Variants in PALS2 observed in about 807,000 individuals in gnomAD.
The protein encoded by PALS2 is protein PALS2.
Under a neutral mutation model 61.6 loss-of-function variants are expected in PALS2, and 27 were observed. The ratio of observed to expected loss-of-function variants is 0.44; its 90% CI spans 0.32 to 0.60. The LOEUF (loss-of-function observed/expected upper bound fraction) is 0.60, where lower values mean the gene tolerates loss of function less well. Ranked by LOEUF, PALS2 falls within the 20% of genes least tolerant of loss-of-function variation. PALS2 has a pLI of 0.05. For synonymous variants in PALS2, 236 were observed against 218.6 expected (o/e 1.08, Z -0.70); for missense variants, 554 against 639.4 (o/e 0.87, Z 1.44).
At chr7:24,648,290 T>C (rs901805797) in intron 3 of PALS2, among the ~76,000 whole-genome samples, 18 of 100,128 alleles carry the variant, frequency 1.8e-4, no homozygotes, top group Admixed American at 3.6e-4. Context: ...AAAATTATTC[T>C]TTTTTTTTTT....
At chr7:24,678,068 A>G (rs1364266981) in intron 9 of PALS2, among the ~76,000 whole-genome samples, 2 of 152,216 alleles carry the variant, frequency 1.3e-5, no homozygotes, top group African/African-American at 4.8e-5. Context: ...GCTAATAGAA[A>G]CAGGATACTT....
Position 24,650,673 on chromosome 7 carries a change from A to G in PALS2, c.612A>G (p.Lys204=), listed in dbSNP as rs913019908. The G allele has an allele frequency of 6.2e-7, 1 of 1,608,420 alleles. No individual in the cohort carries two copies. The highest frequency in any genetic ancestry group is 8.5e-7 in the Non-Finnish European group (1 of 1,175,274). The change falls in exon 5 of 12, where the codon AAA becomes AAG. Residue 204 remains lysine, a synonymous_variant. Coordinates refer to ENST00000222644, the MANE Select transcript of PALS2 (RefSeq NM_001303037.2). ...ATATTAGTGGAAGTGTCACCCTAAA[A>G]ATCTTACCAAGTTATAGAGATACCA... ...LKNISGSVTL[K]ILPSYRDTIT... is the part of the protein sequence containing the mutation.
rs368719260 is a variant in PALS2 at position 24,580,203 on chromosome 7, A to T, written c.-3+6610A>T. Among the ~76,000 whole-genome samples the T allele has an allele frequency of 9.8e-5, 15 of 152,314 alleles. 1 individual carries two copies. The highest frequency in any genetic ancestry group is 7.2e-4 in the Admixed American group (11 of 15,306). On this transcript the variant is annotated intron_variant, in intron 1 of 11. Transcript: ENST00000222644. ...ATAAATACTTTATATTTTGTTCTGT[A>T]GGTCATTTTTACCATGAAGTGACTC...
intron 5 of PALS2, among the ~76,000 whole-genome samples, chr7:24,660,509 A>G (rs985198107): frequency 6.6e-5 from 10 of 151,888 alleles, no homozygotes; most frequent in South Asian, 4.2e-4. Context: ...TCTTGAGGAT[A>G]TTTCCTTATT....
At chr7:24,624,203 A>G (rs988443357) in intron 2 of PALS2, 9 of 1,097,352 alleles carry the variant, frequency 8.2e-6, no homozygotes, top group African/African-American at 3.3e-5. Flanking sequence ...AAATTTTGTT[A>G]TTTGTTGCAT....
chr7:24,579,740 TTA>T (rs1298877980), intron 1 of PALS2, among the ~76,000 whole-genome samples: 3 of 152,248 alleles, frequency 2.0e-5, no homozygotes, highest in African/African-American at 7.2e-5. Flanking sequence ...TTCATAATTC[TTA>T]TGTTTTTGGA....
chr7:24,668,771 T>C (rs1275748391), intron 9 of PALS2, 111 bp downstream of exon 9: 7 of 1,314,858 alleles, frequency 5.3e-6, no homozygotes, highest in Non-Finnish European at 7.4e-6. Context: ...TAAGTTTTCT[T>C]TATGGCAGTG....
chr7:24,640,047 G>A (rs1334225539), intron 2 of PALS2, among the ~76,000 whole-genome samples: 3 of 151,802 alleles, frequency 2.0e-5, no homozygotes, highest in Admixed American at 2.0e-4. Context: ...GAACTCCTGA[G>A]CTCAAGTGAT....
At position 24,663,626 on chromosome 7, in the gene PALS2, A is replaced by C. The variant is rs887184170; in HGVS notation, c.688A>C (p.Asn230His). 6.3e-7 allele frequency: 1 copy of C among 1,593,678 alleles called. No homozygotes were observed. Among genetic ancestry groups the C allele is most frequent in the Non-Finnish European group, 8.6e-7 (1 of 1,162,490 alleles). The part of the protein sequence containing the change: ...VKCHFDYNPY[N>H]DNLIPCKEAG... ...GTGTCATTTTGATTATAATCCATAC[A>C]ATGACAACCTAATACCTTGCAAAGA... The change falls in exon 6 of 12, where the codon AAT becomes CAT. Residue 230 changes from asparagine (N) to histidine (H), a missense_variant. Transcript: ENST00000222644.
chr7:24,665,733 C>T, intron 7 of PALS2, 46 bp downstream of exon 7: 1 of 1,519,764 alleles, frequency 6.6e-7, no homozygotes, highest in South Asian at 1.1e-5. Flanking sequence ...TTTGTGACCA[C>T]CTTTCTTTGT....
chr7:24,687,691 A>G lies in PALS2; in HGVS notation c.*77A>G, dbSNP rs1777466426. 2.2e-6 allele frequency: 3 copies of G among 1,376,294 alleles called. No individual in the cohort carries two copies. The highest frequency in any genetic ancestry group is 5.1e-5 in the Admixed American group (2 of 39,232). 85.3% of individuals were successfully genotyped at this position (1,376,294 alleles called of 1,614,324 possible). On this transcript the variant is annotated 3_prime_UTR_variant, in exon 12 of 12. Coordinates refer to ENST00000222644, the MANE Select transcript of PALS2 (RefSeq NM_001303037.2). The surrounding 1 kb of genome is among the most constrained non-coding windows in gnomAD (Gnocchi z 4.5). ...CAAATAAACCTTCTACTGAGAAAAT[A>G]CATCACAGATAGAAGATTATCTGCT... is the stretch of plus-strand genomic sequence containing the variant.
chr7:24,640,914 A>C (rs1289002739), intron 2 of PALS2, among the ~76,000 whole-genome samples: 1 of 143,960 alleles, frequency 6.9e-6, no homozygotes, highest in East Asian at 2.2e-4. Flanking sequence ...AGGCTGAGGC[A>C]GGAGAATGGC....
intron 6 of PALS2, among the ~76,000 whole-genome samples, chr7:24,664,990 C>G (rs900131778): frequency 6.6e-6 from 1 of 152,012 alleles, no homozygotes; most frequent in African/African-American, 2.4e-5. Flanking sequence ...GAAATACTAA[C>G]TTTGTGAGAT....
intron 5 of PALS2, among the ~76,000 whole-genome samples, chr7:24,654,963 C>G (rs1367256239): frequency 6.6e-6 from 1 of 152,068 alleles, no homozygotes; most frequent in Non-Finnish European, 1.5e-5. Context: ...CCTGGTTATT[C>G]TAGGGATACT....
chr7:24,607,452 A>T (rs1783941785), intron 1 of PALS2, among the ~76,000 whole-genome samples: 2 of 151,032 alleles, frequency 1.3e-5, no homozygotes, highest in South Asian at 4.2e-4. Context: ...TTACTTGCTA[A>T]TGTATGTGTA....
intron 3 of PALS2, 76 bp downstream of exon 3, chr7:24,641,944 G>A (rs1335479114): frequency 8.2e-6 from 12 of 1,470,432 alleles, no homozygotes; most frequent in South Asian, 3.7e-5. Context: ...AGTTTAAGGT[G>A]ATGTTTTCTT....
At chr7:24,598,396 A>G (rs1783598044) in intron 1 of PALS2, among the ~76,000 whole-genome samples, 1 of 152,204 alleles carries the variant, frequency 6.6e-6, no homozygotes, top group Admixed American at 6.5e-5. Flanking sequence ...GCTAACAAGG[A>G]TATCCAGTTG....
At chr7:24,629,574 A>G (rs1183640904) in intron 2 of PALS2, among the ~76,000 whole-genome samples, 1 of 152,158 alleles carries the variant, frequency 6.6e-6, no homozygotes, top group African/African-American at 2.4e-5. Context: ...AAAATTTTGC[A>G]AGCTATCCGT....
chr7:24,597,924 C>A (rs923479543), intron 1 of PALS2, among the ~76,000 whole-genome samples: 2 of 151,950 alleles, frequency 1.3e-5, no homozygotes, highest in Admixed American at 1.3e-4. Context: ...TATTTGGGAG[C>A]TTGTTTCTTT....
Sources: allele counts gnomAD v4.1 joint callset (sites outside exome capture counted in the v4.1 genomes callset), GRCh38; gene constraint gnomAD v4.1.1; non-coding constraint Gnocchi (gnomAD v3.1); transcripts MANE v1.5; gene names NCBI Gene and HGNC (gene_info 2026-07-23, HGNC 2026-07-21).